ADCY3: variants seen among roughly 807,000 people sequenced by gnomAD.
The protein encoded by ADCY3 is adenylate cyclase 3, also known as adenylate cyclase type 3.
ADCY3 carries 70 observed loss-of-function variants against 119.4 expected under a neutral mutation model. That is an observed-to-expected ratio of 0.59 (90% confidence interval 0.48 to 0.72). The LOEUF (loss-of-function observed/expected upper bound fraction) is 0.72, where lower values mean the gene tolerates loss of function less well. Ranked by LOEUF, ADCY3 falls within the 30% of genes least tolerant of loss-of-function variation. ADCY3 has a pLI of 0.00. For missense variants in ADCY3, 1,238 were observed against 1,541.6 expected, an observed-to-expected ratio of 0.80 and a Z score of 3.30; for synonymous variants, 672 against 621.4, an observed-to-expected ratio of 1.08 and a Z score of -1.21.
At chr2:24,915,623 C>A (rs1328757773) in intron 2 of ADCY3, among the ~76,000 whole-genome samples, 1 of 152,200 alleles carries the variant, frequency 6.6e-6, no homozygotes, top group African/African-American at 2.4e-5. Context: ...TCACTACAAT[C>A]TCTGCCTCCT....
intron 3 of ADCY3, among the ~76,000 whole-genome samples, chr2:24,869,701 G>T (rs1409344726): frequency 6.6e-6 from 1 of 152,102 alleles, no homozygotes; most frequent in Non-Finnish European, 1.5e-5. Flanking sequence ...CACCTGCCTG[G>T]CCACACCTAC....
At chr2:24,852,554 G>C (rs1207955100) in intron 3 of ADCY3, among the ~76,000 whole-genome samples, 1 of 152,226 alleles carries the variant, frequency 6.6e-6, no homozygotes, top group Non-Finnish European at 1.5e-5. Context: ...ACGTGGCAAA[G>C]CCCGGCCTCA....
Position 24,872,563 on chromosome 2 carries a change from G to A in ADCY3, c.825+7C>T, listed in dbSNP as rs775178493. ...GCTCCAGGCCCGAGGCCTCCCGAGAGCCTCACCTGCTGCTGGCTCTGCTCT... is the reference window on the plus strand; with the variant it reads ...GCTCCAGGCCCGAGGCCTCCCGAGAACCTCACCTGCTGCTGGCTCTGCTCT... On this transcript the variant is annotated splice_region_variant and intron_variant, in intron 3 of 21. Transcript: ENST00000679454. The surrounding 1 kb of genome is among the most constrained non-coding windows in gnomAD (Gnocchi z 4.4). 3.7e-6 allele frequency: 6 copies of A among 1,613,620 alleles called. No homozygotes were observed. The African/African-American group carries it at 8.0e-5, about 22-fold the overall frequency.
chr2:24,902,958 G>C (rs2149002123), intron 2 of ADCY3, among the ~76,000 whole-genome samples: 1 of 152,198 alleles, frequency 6.6e-6, no homozygotes, highest in Non-Finnish European at 1.5e-5. Context: ...TTGAGCCCAA[G>C]AGGTTGAGGC....
chr2:24,873,974 G>GA (rs1675342457), intron 2 of ADCY3, among the ~76,000 whole-genome samples: 1 of 152,204 alleles, frequency 6.6e-6, no homozygotes, highest in Non-Finnish European at 1.5e-5. Context: ...TGGGGTAGGT[G>GA]AAAAAGGCAG....
intron 17 of ADCY3, among the ~76,000 whole-genome samples, chr2:24,824,164 T>G (rs1668251262): frequency 1.3e-5 from 2 of 152,262 alleles, no homozygotes; most frequent in African/African-American, 4.8e-5. Flanking sequence ...CTCAGAGCTG[T>G]ACGGCCCACA....
intron 2 of ADCY3, among the ~76,000 whole-genome samples, chr2:24,887,217 A>C (rs908949142): frequency 2.6e-5 from 4 of 152,092 alleles, no homozygotes; most frequent in African/African-American, 7.2e-5. Flanking sequence ...TTATAATACC[A>C]TCGGATCTTG....
chr2:24,819,979 T>G lies in ADCY3; in HGVS notation c.3388A>C (p.Asn1130His), dbSNP rs1386774116. The change falls in exon 22 of 22, where the codon AAT becomes CAT. Residue 1130 changes from asparagine (N) to histidine (H), a missense_variant. This residue lies in a region of ADCY3 where 86 missense variants were observed against 70.7 expected (regional missense o/e 1.22). Transcript: ENST00000679454. ...TGGGGCAGTGTGACAGAGGGGCCATTGGGGAAGGTGGCTAGCTTATCCCGC... is the reference window on the plus strand; with the variant it reads ...TGGGGCAGTGTGACAGAGGGGCCATGGGGGAAGGTGGCTAGCTTATCCCGC... ...KGRDKLATFPNGPSVTLPHQV... is the reference protein window; with the variant it reads ...KGRDKLATFPHGPSVTLPHQV... The G allele has an allele frequency of 5.6e-6, 9 of 1,613,486 alleles. No individual in the cohort carries two copies. The highest frequency in any genetic ancestry group is 1.7e-5 in the Admixed American group (1 of 59,950).
In ADCY3 at chr2:24,899,237, C is replaced by T. The variant is rs1175308377; in HGVS notation, c.675+19076G>A. On this transcript the variant is annotated intron_variant, in intron 2 of 21. Coordinates refer to ENST00000679454, the MANE Select transcript of ADCY3 (RefSeq NM_004036.5). This position sits in a 1 kb window ranked among gnomAD's most constrained non-coding sequence, Gnocchi z 4.5. ...CCCAGGCATCCAACTCTGGGCCACGCTTCCCTCCTCCTGGCACACCGCCTC... is the reference window on the plus strand; with the variant it reads ...CCCAGGCATCCAACTCTGGGCCACGTTTCCCTCCTCCTGGCACACCGCCTC... 2.0e-5 allele frequency among the ~76,000 whole-genome samples: 3 copies of T among 152,220 alleles called. No individual in the cohort carries two copies. Among genetic ancestry groups the T allele is most frequent in the Non-Finnish European group, 2.9e-5 (2 of 68,032 alleles).
At chr2:24,833,055 TC>T (rs1407856246) in intron 11 of ADCY3, among the ~76,000 whole-genome samples, 3 of 152,212 alleles carry the variant, frequency 2.0e-5, no homozygotes, top group Non-Finnish European at 4.4e-5. Context: ...TCCTCCTCTA[TC>T]CTCGGCCTGG....
intron 13 of ADCY3, among the ~76,000 whole-genome samples, chr2:24,829,972 C>T (rs1194281797): frequency 3.3e-5 from 5 of 151,462 alleles, no homozygotes; most frequent in East Asian, 3.9e-4. Context: ...ATACACAGGA[C>T]TGGGACTTAG....
At chr2:24,835,707 G>C (rs1015578366) in intron 9 of ADCY3, among the ~76,000 whole-genome samples, 2 of 152,062 alleles carry the variant, frequency 1.3e-5, no homozygotes, top group Non-Finnish European at 2.9e-5. Context: ...AGGCTGAGGT[G>C]GGTGGATCAC....
chr2:24,854,766 C>T (rs112552658), intron 3 of ADCY3, among the ~76,000 whole-genome samples: 8 of 139,874 alleles, frequency 5.7e-5, no homozygotes, highest in African/African-American at 2.3e-4. Flanking sequence ...AATGAATTCC[C>T]AGCCTGGGCA....
chr2:24,838,635 G>T lies in ADCY3; in HGVS notation c.1356-13C>A. 1.2e-6 allele frequency: 2 copies of T among 1,613,372 alleles called. No homozygotes were observed. Among genetic ancestry groups the T allele is most frequent in the Non-Finnish European group, 8.5e-7 (1 of 1,179,914 alleles). On this transcript the variant is annotated splice_polypyrimidine_tract_variant and intron_variant, in intron 7 of 21. Coordinates refer to ENST00000679454, the MANE Select transcript of ADCY3 (RefSeq NM_004036.5). The stretch of plus-strand genomic sequence containing the variant: ...GATGTGCACGCGCCTGGATTGCAGA[G>T]AGAGAGGCCCTGAGCGTCGGCCAGA...
chr2:24,896,655 G>A (rs1343158598), intron 2 of ADCY3, among the ~76,000 whole-genome samples: 2 of 152,094 alleles, frequency 1.3e-5, no homozygotes, highest in Non-Finnish European at 2.9e-5. Context: ...CTCTGCAGTT[G>A]TTCTCTTCTG....
At position 24,834,409 on chromosome 2, in the gene ADCY3, AGACACCT is replaced by A; in HGVS notation, c.1967+69_1967+75del. 1.6e-6 allele frequency: 2 copies of A among 1,281,028 alleles called. No homozygotes were observed. Among genetic ancestry groups the A allele is most frequent in the Non-Finnish European group, 2.2e-6 (2 of 923,986 alleles). The allele number at this position is 1,281,028 out of a possible 1,614,324, so 79.4% of individuals were successfully genotyped here. ...GCTCCCCAATGTCAGGCTCCCGCTG[AGACACCT>A]GCCCCCGCCCCCCGCCCGGCACCAC... On this transcript the variant is annotated intron_variant, in intron 11 of 21. Transcript: ENST00000679454. The surrounding 1 kb of genome is among the most constrained non-coding windows in gnomAD (Gnocchi z 4.2).
intron 2 of ADCY3, among the ~76,000 whole-genome samples, chr2:24,883,008 C>A (rs13030692): frequency 0.32 from 48,242 of 149,896 alleles, 7,859 homozygotes; most frequent in South Asian, 0.39. Context: ...TGCAGTGAGC[C>A]GAGATCACAC....
intron 3 of ADCY3, among the ~76,000 whole-genome samples, chr2:24,847,950 C>T (rs1031062072): frequency 2.6e-5 from 4 of 152,188 alleles, no homozygotes; most frequent in African/African-American, 7.2e-5. Context: ...CTGGAGTGTG[C>T]GGCCCTGGTG....
At chr2:24,858,889 C>T (rs1258939689) in intron 3 of ADCY3, among the ~76,000 whole-genome samples, 1 of 152,218 alleles carries the variant, frequency 6.6e-6, no homozygotes, top group African/African-American at 2.4e-5. Context: ...CCCACCACTG[C>T]TTTAGGACAA....
Sources: allele counts gnomAD v4.1 joint callset (sites outside exome capture counted in the v4.1 genomes callset), GRCh38; gene constraint gnomAD v4.1.1; regional missense constraint gnomAD v4.1.1; non-coding constraint Gnocchi (gnomAD v3.1); transcripts MANE v1.5; gene names NCBI Gene and HGNC (gene_info 2026-07-23, HGNC 2026-07-21).